Variants in SLC6A13 observed in about 807,000 individuals in gnomAD.
SLC6A13 encodes sodium- and chloride-dependent GABA transporter 2.
In SLC6A13, 69 loss-of-function variants were observed where a neutral mutation model predicts 72.9. That is an observed-to-expected ratio of 0.95 (90% CI 0.78 to 1.16). The LOEUF is 1.16. Ranked by LOEUF, SLC6A13 falls within the 50% of genes most tolerant of loss-of-function variation. SLC6A13 has a pLI of 0.00. For missense variants in SLC6A13, 735 were observed against 760.5 expected (o/e 0.97, Z 0.39); for synonymous variants, 303 against 303.0 (o/e 1.00, Z 0.00).
intron 2 of SLC6A13, among the ~76,000 whole-genome samples, chr12:257,581 C>T (rs1274634086): frequency 6.6e-6 from 1 of 152,106 alleles, no homozygotes; most frequent in Non-Finnish European, 1.5e-5. Flanking sequence ...AGAAGGAGAC[C>T]ACAGCCGCCG....
chr12:240,050 T>C (rs1207855626), intron 4 of SLC6A13, among the ~76,000 whole-genome samples: 1 of 151,956 alleles, frequency 6.6e-6, no homozygotes, highest in Non-Finnish European at 1.5e-5. Flanking sequence ...CCACCAAAAA[T>C]TGACAAAATT....
At chr12:234,644 A>G (rs1941852589) in intron 7 of SLC6A13, among the ~76,000 whole-genome samples, 1 of 152,076 alleles carries the variant, frequency 6.6e-6, no homozygotes, top group African/African-American at 2.4e-5. Flanking sequence ...CAGCCTCCTG[A>G]GTAGCTGGGA....
At chr12:232,663 T>A (rs996098894) in intron 7 of SLC6A13, among the ~76,000 whole-genome samples, 1 of 152,202 alleles carries the variant, frequency 6.6e-6, no homozygotes, top group Non-Finnish European at 1.5e-5. Flanking sequence ...TGCGTGGACA[T>A]GAGGCAGTAG....
chr12:231,586 G>C (rs1264573059), intron 7 of SLC6A13, among the ~76,000 whole-genome samples: 1 of 152,090 alleles, frequency 6.6e-6, no homozygotes, highest in African/African-American at 2.4e-5. Flanking sequence ...CCTGGCACTT[G>C]AGCCATCCCC....
At chr12:243,187 T>G (rs539533730) in intron 3 of SLC6A13, among the ~76,000 whole-genome samples, 1 of 152,188 alleles carries the variant, frequency 6.6e-6, no homozygotes, top group Admixed American at 6.5e-5. Flanking sequence ...TTTTTTGTAT[T>G]TTTTGTATTT....
intron 3 of SLC6A13, 143 bp from the exon 4 acceptor site, chr12:242,897 G>C: frequency 3.7e-6 from 2 of 547,356 alleles, no homozygotes; most frequent in Non-Finnish European, 6.2e-6. Context: ...TGCTATTTTT[G>C]TAACTCCCTG....
At chr12:229,065 A>C (rs999889553) in intron 7 of SLC6A13, among the ~76,000 whole-genome samples, 8 of 152,172 alleles carry the variant, frequency 5.3e-5, no homozygotes, top group African/African-American at 1.9e-4. Context: ...TTCACTGGGA[A>C]TCCTGTCCTG....
rs1308582308 is a variant in SLC6A13 at position 222,538 on chromosome 12, C to T, written c.1509G>A (p.Val503=). The T allele has an allele frequency of 1.9e-6, 3 of 1,597,644 alleles. No homozygotes were observed. The highest frequency in any genetic ancestry group is 1.1e-5 in the South Asian group (1 of 89,316). The change falls in exon 13 of 15, where the codon GTG becomes GTA. Residue 503 remains valine (V), a synonymous_variant. Coordinates refer to ENST00000343164, the MANE Select transcript of SLC6A13 (RefSeq NM_016615.5). ...ATCCCTGAAATGATCTTACTGTGCA[C>T]ACAGCTGGTGTGAGGAAGAGCCAAC... ...KYCWLFLTPA[V]CTATFLFSLI...
chr12:250,833 CAA>C (rs71045051), intron 2 of SLC6A13, among the ~76,000 whole-genome samples: 3 of 82,600 alleles, frequency 3.6e-5, no homozygotes, highest in African/African-American at 4.9e-5. Flanking sequence ...AATAGCCCCC[CAA>C]AAAAAAAAAA....
intron 4 of SLC6A13, among the ~76,000 whole-genome samples, chr12:242,273 GACCTAAAACGT>G (rs1942192964): frequency 6.6e-6 from 1 of 152,166 alleles, no homozygotes; most frequent in Non-Finnish European, 1.5e-5. Flanking sequence ...AAGTTTGAAA[GACCTAAAACGT>G]ACCAGAGAGA....
At position 223,222 on chromosome 12, in the gene SLC6A13, C is replaced by T. The variant is rs536953491; in HGVS notation, c.1324G>A (p.Val442Met). 327 of 1,610,614 alleles carry T rather than the reference C, an allele frequency of 2.0e-4. 1 individual carries two copies. In the South Asian group the frequency reaches 2.5e-3, roughly 12 times the overall value. The part of the protein sequence containing the change: ...LIMLTEGGMY[V>M]FQLFDYYAAS... ...GCATAGTAGTCAAAGAGCTGGAACA[C>T]GTACATTCCGCCCTGCATGGGAGGA... Residue 442 changes from valine (V) to methionine (M), a missense_variant, in exon 12 of 15, where the codon GTG becomes ATG. Physicochemically the swap from Val to Met is conservative, Grantham distance 21. Transcript: ENST00000343164.
At chr12:224,581 C>T in intron 9 of SLC6A13, 68 bp from the exon 10 acceptor site, 1 of 1,295,160 alleles carries the variant, frequency 7.7e-7, no homozygotes, top group Non-Finnish European at 1.1e-6. Flanking sequence ...TGACCCATGG[C>T]TTCCCAGCGT....
In SLC6A13 at chr12:260,045, C is replaced by T. The variant is rs1457744084; in HGVS notation, c.8G>A (p.Ser3Asn). MD[S>N]RVSGTTSNGE... The stretch of plus-strand genomic sequence containing the variant: ...ATTACTGGTTGTGCCTGAGACCCTG[C>T]TATCCATCCCACCTGGAAAACAAGT... Residue 3 changes from serine to asparagine, a missense_variant, in exon 2 of 15, where the codon AGC (serine) becomes AAC (asparagine). Physicochemically the swap from Ser to Asn is conservative, Grantham distance 46. Coordinates refer to ENST00000343164, the MANE Select transcript of SLC6A13 (RefSeq NM_016615.5). 6.2e-7 allele frequency: 1 copy of T among 1,612,332 alleles called. No homozygotes were observed. The highest frequency in any genetic ancestry group is 8.5e-7 in the Non-Finnish European group (1 of 1,178,468).
At chr12:239,638 T>C (rs1441396331) in intron 4 of SLC6A13, among the ~76,000 whole-genome samples, 10 of 152,228 alleles carry the variant, frequency 6.6e-5, no homozygotes, top group Non-Finnish European at 1.0e-4. Context: ...GTTTTGTTTA[T>C]GTCTACCTCC....
chr12:221,195 C>A (rs774268884), intron 14 of SLC6A13, 125 bp from the exon 15 acceptor site: 22 of 1,371,650 alleles, frequency 1.6e-5, no homozygotes, highest in Non-Finnish European at 2.0e-5. Context: ...CAGCCCCTGT[C>A]TGGGAGTCCC....
In SLC6A13 at chr12:245,381, T is replaced by C. The variant is rs144157556; in HGVS notation, c.203-1568A>G. On this transcript the variant is annotated intron_variant, in intron 2 of 14. Transcript: ENST00000343164. ...GATCCCAGAACAGAGCTAAAGAATA[T>C]TTACAGAAATACGAAATTGGCCGGG... 2.2e-4 allele frequency among the ~76,000 whole-genome samples: 34 copies of C among 152,260 alleles called. No individual in the cohort carries two copies. In the East Asian group the frequency reaches 6.2e-3, roughly 28 times the overall value.
intron 4 of SLC6A13, among the ~76,000 whole-genome samples, chr12:239,249 TCCC>T (rs1565499324): frequency 3.5e-4 from 11 of 31,072 alleles, no homozygotes; most frequent in African/African-American, 6.2e-4. Flanking sequence ...CCCACACCAT[TCCC>T]TTCAGCCACC....
rs1194429628 is a variant in SLC6A13, at chr12:254,089, C to A, written c.202+5762G>T. ...GCATCTCCTCGTCCCATGACTGGAA[C>A]TTTAACTGGGCAGGCCCTAGTAGAA... is the stretch of plus-strand genomic sequence containing the variant. On this transcript the variant is annotated intron_variant, in intron 2 of 14. Transcript: ENST00000343164. This position sits in a 1 kb window ranked among gnomAD's most constrained non-coding sequence, Gnocchi z 4.4. Among the ~76,000 whole-genome samples the A allele has an allele frequency of 2.0e-5, 3 of 152,226 alleles. No individual in the cohort carries two copies. Among genetic ancestry groups the A allele is most frequent in the Admixed American group, 6.5e-5 (1 of 15,286 alleles).
rs1439664494 is a variant in SLC6A13 at position 242,664 on chromosome 12, C to G, written c.428G>C (p.Ser143Thr). ...GCCCCAGGGCAGGTCGATGGTGAAG[C>G]TGCTGAAGAGGTAGAACAGGGCCCA... ...LAWALFYLFSSFTIDLPWGGC... is the reference protein window; with the variant it reads ...LAWALFYLFSTFTIDLPWGGC... The change falls in exon 4 of 15, where the codon AGC becomes ACC. Residue 143 changes from serine (S) to threonine (T), a missense_variant. Ser to Thr is a moderately conservative substitution (Grantham distance 58). Transcript: ENST00000343164. 3 of 1,613,546 alleles carry G rather than the reference C, an allele frequency of 1.9e-6. No homozygotes were observed. In the South Asian group the frequency reaches 3.3e-5, roughly 18 times the overall value.
Sources: gnomAD v4.1 joint callset for allele counts (sites outside exome capture counted in the v4.1 genomes callset) on GRCh38, gnomAD v4.1.1 for gene constraint, Gnocchi (gnomAD v3.1) non-coding constraint, MANE v1.5 for transcripts, NCBI Gene and HGNC (gene_info 2026-07-23, HGNC 2026-07-21) for gene names.